The following RALYL variants were observed in gnomAD, a reference collection of about 807,000 sequenced individuals.
RALYL encodes the protein RNA-binding Raly-like protein.
In RALYL, 29 loss-of-function variants were observed where a neutral mutation model predicts 35.1. The observed-to-expected ratio is 0.83, with a 90% CI of 0.61 to 1.13. The LOEUF is 1.13. Ranked by LOEUF, RALYL falls within the 50% of genes most tolerant of loss-of-function variation. RALYL has a pLI of 0.00. For missense variants in RALYL, 359 were observed against 360.4 expected (o/e 1.00, Z 0.03); for synonymous variants, 120 against 127.6 (o/e 0.94, Z 0.40).
chr8:84,542,321 A>C (rs566301765), intron 2 of RALYL, among the ~76,000 whole-genome samples: 1 of 152,238 alleles, frequency 6.6e-6, no homozygotes, highest in Admixed American at 6.6e-5. Context: ...TTCAGCATGC[A>C]TGTGTGTATA....
intron 2 of RALYL, among the ~76,000 whole-genome samples, chr8:84,682,618 C>T (rs1311308983): frequency 2.6e-5 from 4 of 152,052 alleles, no homozygotes; most frequent in African/African-American, 9.6e-5. Context: ...ATTTTCTAGT[C>T]TATTTGTGTA....
intron 5 of RALYL, among the ~76,000 whole-genome samples, chr8:84,853,010 T>C (rs1563746925): frequency 2.0e-5 from 3 of 152,214 alleles, no homozygotes; most frequent in Non-Finnish European, 4.4e-5. Context: ...AATATGACTA[T>C]CTTTAAAGCA....
chr8:84,404,890 C>A (rs1020006816), intron 1 of RALYL, among the ~76,000 whole-genome samples: 1 of 152,050 alleles, frequency 6.6e-6, no homozygotes, highest in Non-Finnish European at 1.5e-5. Flanking sequence ...GAACTCTCCA[C>A]CCCAAATCAA....
In RALYL at chr8:84,409,335, ATC is replaced by A. The variant is rs1452526761; in HGVS notation, c.-23-119960_-23-119959del. On this transcript the variant is annotated intron_variant, in intron 1 of 8. Transcript: ENST00000521268. Reference sequence around the variant, plus strand: ...AATAAGTGAAAATTAACACTAATATATCTCTGATTCTTTGCAATGTGTATAAT... The same window carrying A: ...AATAAGTGAAAATTAACACTAATATATCTGATTCTTTGCAATGTGTATAAT... Among the ~76,000 whole-genome samples the A allele has an allele frequency of 1.8e-4, 27 of 152,074 alleles. 1 individual carries two copies. The highest frequency in any genetic ancestry group is 1.8e-3 in the Admixed American group (27 of 15,238).
At chr8:84,668,880 A>G (rs1832619913) in intron 2 of RALYL, among the ~76,000 whole-genome samples, 1 of 152,150 alleles carries the variant, frequency 6.6e-6, no homozygotes, top group Non-Finnish European at 1.5e-5. Flanking sequence ...ACAATCAAGT[A>G]TCCAAGAAAT....
chr8:84,523,187 T>G (rs941177813), intron 1 of RALYL, among the ~76,000 whole-genome samples: 6 of 152,060 alleles, frequency 3.9e-5, no homozygotes, highest in African/African-American at 1.4e-4. Flanking sequence ...TCCACATGGC[T>G]GGGGAGGCCT....
rs907717954 is a variant in RALYL at position 84,831,065 on chromosome 8, C to T, written c.366-18915C>T. Among the ~76,000 whole-genome samples, 3 of 150,996 alleles carry T rather than the reference C, an allele frequency of 2.0e-5. No individual in the cohort carries two copies. In the East Asian group the frequency reaches 5.8e-4, roughly 29 times the overall value. ...AAAAGTAAAATGGCAAAAATGAGAA[C>T]AAAAGAAAAAAATGGGATGAAACAC... On this transcript the variant is annotated intron_variant, in intron 4 of 8. Transcript: ENST00000521268.
intron 1 of RALYL, among the ~76,000 whole-genome samples, chr8:84,201,585 C>T (rs1006695441): frequency 6.7e-5 from 10 of 149,716 alleles, no homozygotes; most frequent in Non-Finnish European, 1.5e-4. Context: ...TTTTTCAAGA[C>T]AGAGTCTCAC....
intron 2 of RALYL, among the ~76,000 whole-genome samples, chr8:84,593,370 G>A (rs1408685364): frequency 2.0e-5 from 3 of 151,834 alleles, no homozygotes; most frequent in South Asian, 2.1e-4. Flanking sequence ...CTCATGCGTC[G>A]CCAATCTTCA....
intron 1 of RALYL, among the ~76,000 whole-genome samples, chr8:84,338,866 T>G (rs1350907863): frequency 6.6e-6 from 1 of 151,956 alleles, no homozygotes; most frequent in Non-Finnish European, 1.5e-5. Flanking sequence ...TCCAAAAGAG[T>G]TTTATTTTGA....
At chr8:84,442,598 T>C (rs934628020) in intron 1 of RALYL, among the ~76,000 whole-genome samples, 1 of 152,124 alleles carries the variant, frequency 6.6e-6, no homozygotes, top group African/African-American at 2.4e-5. Context: ...AGACAGATGT[T>C]GAGTCAATAA....
chr8:84,321,526 G>A (rs1844806039), intron 1 of RALYL, among the ~76,000 whole-genome samples: 1 of 152,074 alleles, frequency 6.6e-6, no homozygotes, highest in East Asian at 1.9e-4. Context: ...TTGGTGGGGA[G>A]GTCATTGTAT....
chr8:84,656,581 T>C (rs1202786214), intron 2 of RALYL, among the ~76,000 whole-genome samples: 2 of 152,154 alleles, frequency 1.3e-5, no homozygotes, highest in Admixed American at 1.3e-4. Context: ...ATAGTGAGCA[T>C]TCACAAAGTG....
At chr8:84,385,158 T>C (rs1438751731) in intron 1 of RALYL, among the ~76,000 whole-genome samples, 1 of 151,834 alleles carries the variant, frequency 6.6e-6, no homozygotes, top group Non-Finnish European at 1.5e-5. Context: ...AATCAGATGA[T>C]CCATTTACAT....
chr8:84,678,644 A>G (rs1767210825), intron 2 of RALYL, among the ~76,000 whole-genome samples: 1 of 152,204 alleles, frequency 6.6e-6, no homozygotes, highest in African/African-American at 2.4e-5. Context: ...GAAAAATTGT[A>G]CAAACCTATT....
Position 84,532,095 on chromosome 8 carries a change from T to C in RALYL, c.256+2518T>C, listed in dbSNP as rs562639141. 5.3e-5 allele frequency among the ~76,000 whole-genome samples: 8 copies of C among 152,230 alleles called. No homozygotes were observed. In the South Asian group the frequency reaches 1.7e-3, roughly 32 times the overall value. On this transcript the variant is annotated intron_variant, in intron 2 of 8. Transcript: ENST00000521268. Reference sequence around the variant, plus strand: ...CTGAAACCAAGTCTTAGACTTTATTTCTTTAGTTCAAATCTCGTCTTTCAC... The same window carrying C: ...CTGAAACCAAGTCTTAGACTTTATTCCTTTAGTTCAAATCTCGTCTTTCAC...
intron 1 of RALYL, among the ~76,000 whole-genome samples, chr8:84,468,051 T>A (rs1399281465): frequency 6.7e-6 from 1 of 149,774 alleles, no homozygotes; most frequent in African/African-American, 2.5e-5. Flanking sequence ...GCATGTGAGA[T>A]GGGTTTCCTG....
At chr8:84,402,810 T>C (rs1167540191) in intron 1 of RALYL, among the ~76,000 whole-genome samples, 1 of 152,186 alleles carries the variant, frequency 6.6e-6, no homozygotes, top group Non-Finnish European at 1.5e-5. Flanking sequence ...CTCCATATCC[T>C]CTCCAGCACC....
intron 1 of RALYL, among the ~76,000 whole-genome samples, chr8:84,338,395 T>C (rs1848203532): frequency 6.6e-6 from 1 of 151,764 alleles, no homozygotes. Context: ...ACTAAAGATG[T>C]TAAGATTAAT....
Sources: gnomAD v4.1 joint callset for allele counts (sites outside exome capture counted in the v4.1 genomes callset) on GRCh38, gnomAD v4.1.1 for gene constraint, MANE v1.5 for transcripts, NCBI Gene and HGNC (gene_info 2026-07-23, HGNC 2026-07-21) for gene names.